MAST2: variants seen among roughly 807,000 people sequenced by gnomAD.
MAST2 encodes microtubule associated serine/threonine kinase 2.
In MAST2, 70 loss-of-function variants were observed where a neutral mutation model predicts 147.4. That is an observed-to-expected ratio of 0.47 (90% confidence interval 0.39 to 0.58). MAST2 has a LOEUF of 0.58. MAST2 is among the 20% of genes least tolerant of loss of function. The pLI, the probability that MAST2 is intolerant of heterozygous loss-of-function variation, is 0.00. For synonymous variants in MAST2, 869 were observed against 896.8 expected, an observed-to-expected ratio of 0.97 and a Z score of 0.55; for missense variants, 2,080 against 2,302.3, an observed-to-expected ratio of 0.90 and a Z score of 1.98.
At chr1:45,854,277 C>T (rs1645718065) in intron 3 of MAST2, among the ~76,000 whole-genome samples, 1 of 150,508 alleles carries the variant, frequency 6.6e-6, no homozygotes, top group Non-Finnish European at 1.5e-5. Flanking sequence ...GCAGAGGTTG[C>T]AGTGAGCTGA....
chr1:45,892,643 G>A (rs374844882), intron 4 of MAST2, among the ~76,000 whole-genome samples: 3 of 152,082 alleles, frequency 2.0e-5, no homozygotes, highest in African/African-American at 4.8e-5. Context: ...AATACCTGCC[G>A]CAGTCCTTTT....
intron 3 of MAST2, among the ~76,000 whole-genome samples, chr1:45,868,928 T>C (rs970444332): frequency 1.3e-5 from 2 of 152,236 alleles, no homozygotes; most frequent in African/African-American, 4.8e-5. Context: ...CATTTCAGTT[T>C]GTACTCTTCA....
At chr1:45,947,397 C>T (rs1012411503) in intron 4 of MAST2, among the ~76,000 whole-genome samples, 4 of 151,654 alleles carry the variant, frequency 2.6e-5, no homozygotes, top group Non-Finnish European at 5.9e-5. Context: ...CAAAGCTGTC[C>T]TGGACTGCAT....
intron 3 of MAST2, among the ~76,000 whole-genome samples, chr1:45,853,646 G>A (rs1645694828): frequency 6.6e-6 from 1 of 152,026 alleles, no homozygotes; most frequent in African/African-American, 2.4e-5. Context: ...GAGCCACTGT[G>A]CCCATCCTAA....
In MAST2 at chr1:46,028,700, C is replaced by G. The variant is rs1405344381; in HGVS notation, c.2053-68C>G. ...CTTCTGCTCGAGATGGGAGCATCCC[C>G]CATCTCCGGCTGTCATGCCAGTCAG... is the stretch of plus-strand genomic sequence containing the variant. On this transcript the variant is annotated intron_variant, in intron 17 of 28. Coordinates refer to ENST00000361297, the MANE Select transcript of MAST2 (RefSeq NM_015112.3). 2.6e-6 allele frequency: 4 copies of G among 1,542,424 alleles called. No individual in the cohort carries two copies. In the African/African-American group the frequency reaches 5.5e-5, roughly 21 times the overall value.
intron 5 of MAST2, among the ~76,000 whole-genome samples, chr1:45,968,931 TATC>T (rs1032204903): frequency 1.6e-4 from 25 of 152,060 alleles, no homozygotes; most frequent in African/African-American, 5.8e-4. Flanking sequence ...AAGTTTCTGT[TATC>T]ATATCCTCAA....
chr1:45,964,754 T>C (rs376890029), intron 5 of MAST2, among the ~76,000 whole-genome samples: 8 of 151,992 alleles, frequency 5.3e-5, no homozygotes, highest in South Asian at 4.1e-4. Flanking sequence ...TTCTTGCCTT[T>C]TGCTAGCTTT....
At chr1:45,868,224 T>G (rs1646240156) in intron 3 of MAST2, among the ~76,000 whole-genome samples, 1 of 152,166 alleles carries the variant, frequency 6.6e-6, no homozygotes, top group Non-Finnish European at 1.5e-5. Flanking sequence ...TGGAGAGACA[T>G]TTGAGATTGA....
intron 12 of MAST2, 72 bp from the exon 13 acceptor site, chr1:46,022,838 G>A: frequency 1.8e-6 from 2 of 1,121,426 alleles, no homozygotes; most frequent in Non-Finnish European, 2.7e-6. Context: ...TGCACCTGTT[G>A]TGTGATCTGA....
chr1:46,015,864 C>T (rs1309014827), intron 10 of MAST2, among the ~76,000 whole-genome samples: 1 of 152,110 alleles, frequency 6.6e-6, no homozygotes, highest in Non-Finnish European at 1.5e-5. Flanking sequence ...CGGGCAGAGA[C>T]ACAACTAAAA....
At chr1:45,959,554 T>A in intron 5 of MAST2, 77 bp downstream of exon 5, 2 of 1,209,434 alleles carry the variant, frequency 1.7e-6, no homozygotes, top group Non-Finnish European at 1.2e-6. Flanking sequence ...CTTCTCATGT[T>A]GTGCAGTTCC....
intron 3 of MAST2, among the ~76,000 whole-genome samples, chr1:45,843,063 G>A (rs1445450394): frequency 2.6e-5 from 4 of 152,132 alleles, no homozygotes; most frequent in African/African-American, 9.6e-5. Flanking sequence ...ATCTTTTCAT[G>A]TGTTTTTTGA....
rs1570244309 is a variant in MAST2 at position 45,824,543 on chromosome 1, T to G, written c.288T>G (p.Cys96Trp). The G allele has an allele frequency of 6.2e-7, 1 of 1,609,682 alleles. No homozygotes were observed. The change falls in exon 2 of 29, where the codon TGT becomes TGG. Residue 96 changes from cysteine to tryptophan, a missense_variant. Cys to Trp is a radical substitution (Grantham distance 215, BLOSUM62 -2). Around this residue, in one of 4 missense-constraint regions of MAST2, gnomAD observed 569 missense variants for 642.5 expected, o/e 0.89. Coordinates refer to ENST00000361297, the MANE Select transcript of MAST2 (RefSeq NM_015112.3). The stretch of plus-strand genomic sequence containing the variant: ...AGCGACAACTGAGTCAGGATGATTG[T>G]AAGTTATGGAGAGGAAACCTGGCCA... ...KLQRQLSQDD[C>W]KLWRGNLASS...
At position 46,031,646 on chromosome 1, in the gene MAST2, T is replaced by C; in HGVS notation, c.3187+61T>C. The C allele has an allele frequency of 1.3e-6, 2 of 1,525,526 alleles. No individual in the cohort carries two copies. The highest frequency in any genetic ancestry group is 1.8e-6 in the Non-Finnish European group (2 of 1,120,132). 94.5% of individuals were successfully genotyped at this position (1,525,526 alleles called of 1,614,324 possible). On this transcript the variant is annotated intron_variant, in intron 24 of 28. Transcript: ENST00000361297. This position sits in a 1 kb window ranked among gnomAD's most constrained non-coding sequence, Gnocchi z 4.1. ...GAAGGGCCTTGTAATCTCTAGGCCTTGGGAGGGTTCTGCACGTGGCAGGTG... is the reference window on the plus strand; with the variant it reads ...GAAGGGCCTTGTAATCTCTAGGCCTCGGGAGGGTTCTGCACGTGGCAGGTG...
intron 4 of MAST2, among the ~76,000 whole-genome samples, chr1:45,924,164 C>T (rs867120434): frequency 2.0e-5 from 3 of 152,112 alleles, no homozygotes; most frequent in Non-Finnish European, 2.9e-5. Context: ...CCACCACACT[C>T]GGCAAAAAAA....
At chr1:45,899,138 A>G (rs1415220928) in intron 4 of MAST2, among the ~76,000 whole-genome samples, 1 of 152,282 alleles carries the variant, frequency 6.6e-6, no homozygotes, top group Middle Eastern at 3.4e-3. Flanking sequence ...CTTTGATCAG[A>G]GGAGTAGTCT....
intron 4 of MAST2, among the ~76,000 whole-genome samples, chr1:45,935,259 G>T (rs1656016860): frequency 6.6e-6 from 1 of 152,066 alleles, no homozygotes; most frequent in African/African-American, 2.4e-5. Flanking sequence ...TTTTTTGCTT[G>T]TTCAGTTAAG....
intron 4 of MAST2, among the ~76,000 whole-genome samples, chr1:45,899,151 C>G (rs1054012427): frequency 6.6e-6 from 1 of 152,086 alleles, no homozygotes; most frequent in African/African-American, 2.4e-5. Flanking sequence ...AGTAGTCTTC[C>G]AAAGCAGGAT....
chr1:45,918,829 T>TG (rs1439511763), intron 4 of MAST2, among the ~76,000 whole-genome samples: 1 of 152,150 alleles, frequency 6.6e-6, no homozygotes, highest in Non-Finnish European at 1.5e-5. Context: ...AAGATCACGC[T>TG]GGGCTGGGCG....
Sources: allele counts gnomAD v4.1 joint callset (sites outside exome capture counted in the v4.1 genomes callset), GRCh38; gene constraint gnomAD v4.1.1; regional missense constraint gnomAD v4.1.1; non-coding constraint Gnocchi (gnomAD v3.1); transcripts MANE v1.5; gene names NCBI Gene and HGNC (gene_info 2026-07-23, HGNC 2026-07-21).